Variants in FAF1 observed in about 807,000 individuals in gnomAD.
The protein encoded by FAF1 is FAS-associated factor 1.
In FAF1, 25 loss-of-function variants were observed where a neutral mutation model predicts 92.5. The observed-to-expected ratio is 0.27, with a 90% confidence interval of 0.20 to 0.38. FAF1 has a LOEUF of 0.38. Among genes scored for constraint, FAF1 ranks in the 10% least tolerant of loss-of-function variants. The pLI is 1.00. For synonymous variants in FAF1, 234 were observed against 273.2 expected, an observed-to-expected ratio of 0.86 and a Z score of 1.42; for missense variants, 636 against 793.3, an observed-to-expected ratio of 0.80 and a Z score of 2.38.
intron 15 of FAF1, among the ~76,000 whole-genome samples, chr1:50,515,897 T>C (rs1166494639): frequency 1.3e-5 from 2 of 152,172 alleles, no homozygotes; most frequent in East Asian, 3.9e-4. Flanking sequence ...CAAATTTTTA[T>C]GTTCTTCTTT....
intron 8 of FAF1, among the ~76,000 whole-genome samples, chr1:50,646,671 T>C (rs1183026861): frequency 6.6e-6 from 1 of 152,218 alleles, no homozygotes; most frequent in Non-Finnish European, 1.5e-5. Context: ...TTGTTCCCTC[T>C]TCTATGATCC....
intron 4 of FAF1, among the ~76,000 whole-genome samples, chr1:50,784,396 T>G (rs988967604): frequency 3.3e-5 from 5 of 152,156 alleles, no homozygotes; most frequent in African/African-American, 9.6e-5. Flanking sequence ...TTCTATATAC[T>G]AACACTGAAC....
chr1:50,944,884 T>C (rs1366966698), intron 1 of FAF1, among the ~76,000 whole-genome samples: 2 of 152,208 alleles, frequency 1.3e-5, no homozygotes, highest in Non-Finnish European at 2.9e-5. Context: ...AATAGGGCTA[T>C]ATAACCTCCC....
intron 3 of FAF1, among the ~76,000 whole-genome samples, chr1:50,800,640 A>C (rs987258648): frequency 6.6e-6 from 1 of 152,170 alleles, no homozygotes; most frequent in African/African-American, 2.4e-5. Context: ...TCAACCATTA[A>C]AGGTGGTACA....
At chr1:50,694,658 C>T (rs1402863907) in intron 7 of FAF1, among the ~76,000 whole-genome samples, 1 of 151,426 alleles carries the variant, frequency 6.6e-6, no homozygotes, top group Admixed American at 6.6e-5. Flanking sequence ...AAAGTTATGG[C>T]ATGTAGGCCA....
chr1:50,899,332 T>C (rs1031777162), intron 1 of FAF1, among the ~76,000 whole-genome samples: 4 of 152,206 alleles, frequency 2.6e-5, no homozygotes, highest in Admixed American at 2.6e-4. Flanking sequence ...TCTATATCAT[T>C]TCTAGGTCTC....
chr1:50,663,947 C>T (rs1655506004), intron 7 of FAF1, among the ~76,000 whole-genome samples: 1 of 150,696 alleles, frequency 6.6e-6, no homozygotes. Flanking sequence ...CTACAGACTT[C>T]ATTGCATTCT....
intron 2 of FAF1, among the ~76,000 whole-genome samples, chr1:50,854,908 C>A (rs958506665): frequency 6.6e-6 from 1 of 150,708 alleles, no homozygotes; most frequent in Admixed American, 6.6e-5. Flanking sequence ...AAAGGAAATG[C>A]TCGATGGAAC....
intron 7 of FAF1, among the ~76,000 whole-genome samples, chr1:50,655,884 T>C (rs1216224202): frequency 2.6e-5 from 4 of 152,094 alleles, no homozygotes; most frequent in Non-Finnish European, 2.9e-5. Context: ...AAATGCACAA[T>C]GATTCAAAAC....
intron 18 of FAF1, among the ~76,000 whole-genome samples, chr1:50,464,668 T>A (rs774525395): frequency 9.2e-5 from 14 of 152,206 alleles, no homozygotes; most frequent in Non-Finnish European, 1.6e-4. Context: ...ATTAAAGAAG[T>A]TTAGCCATTA....
At chr1:50,836,197 G>T (rs1255952978) in intron 2 of FAF1, among the ~76,000 whole-genome samples, 2 of 57,604 alleles carry the variant, frequency 3.5e-5, no homozygotes, top group African/African-American at 7.0e-5. Flanking sequence ...TTTAGACAGG[G>T]TCTCATTCTG....
intron 8 of FAF1, among the ~76,000 whole-genome samples, chr1:50,602,410 A>G (rs554922835): frequency 6.6e-6 from 1 of 152,292 alleles, no homozygotes; most frequent in East Asian, 1.9e-4. Flanking sequence ...GTACACTTAA[A>G]AAATGTATGG....
chr1:50,574,712 T>C (rs2149061206), intron 12 of FAF1, among the ~76,000 whole-genome samples: 1 of 152,126 alleles, frequency 6.6e-6, no homozygotes, highest in Non-Finnish European at 1.5e-5. Context: ...AAATTAATAA[T>C]TTTTCATTAA....
chr1:50,741,042 C>T (rs1659366615), intron 5 of FAF1, among the ~76,000 whole-genome samples: 1 of 152,176 alleles, frequency 6.6e-6, no homozygotes, highest in Non-Finnish European at 1.5e-5. Flanking sequence ...CTCATGCATT[C>T]ATCCCATAAA....
intron 8 of FAF1, among the ~76,000 whole-genome samples, chr1:50,635,448 C>G (rs781451069): frequency 6.6e-6 from 1 of 152,136 alleles, no homozygotes; most frequent in Non-Finnish European, 1.5e-5. Context: ...TTTCTTGAGA[C>G]CATGTCTCAC....
At chr1:50,811,078 T>C (rs565781377) in intron 2 of FAF1, among the ~76,000 whole-genome samples, 1 of 152,184 alleles carries the variant, frequency 6.6e-6, no homozygotes, top group Non-Finnish European at 1.5e-5. Flanking sequence ...CTCATGGCTG[T>C]AATTCCAGCA....
intron 7 of FAF1, among the ~76,000 whole-genome samples, chr1:50,695,805 C>T (rs558244630): frequency 3.9e-5 from 6 of 152,230 alleles, no homozygotes; most frequent in African/African-American, 1.4e-4. Flanking sequence ...CCCACGACCA[C>T]ACCTGGCTAA....
chr1:50,842,298 GAA>G (rs1362947466), intron 2 of FAF1, among the ~76,000 whole-genome samples: 1 of 151,972 alleles, frequency 6.6e-6, no homozygotes, highest in African/African-American at 2.4e-5. Flanking sequence ...TAGATACCAA[GAA>G]AAAGAGTCAA....
intron 5 of FAF1, 26 bp from the exon 6 acceptor site, chr1:50,738,980 A>G (rs1659253375): frequency 7.5e-7 from 1 of 1,340,928 alleles, no homozygotes; most frequent in Non-Finnish European, 1.1e-6. Flanking sequence ...CACAGCAAAA[A>G]ATGAATGTTG....
Sources: allele counts gnomAD v4.1 joint callset (sites outside exome capture counted in the v4.1 genomes callset), GRCh38; gene constraint gnomAD v4.1.1; transcripts MANE v1.5; gene names NCBI Gene and HGNC (gene_info 2026-07-23, HGNC 2026-07-21).